The following HTRA1 variants were observed in gnomAD, a reference collection of about 807,000 sequenced individuals.
HTRA1 encodes HtrA serine peptidase 1, also known as serine protease HTRA1.
In HTRA1, 26 loss-of-function variants were observed where a neutral mutation model predicts 49.7. The observed-to-expected ratio is 0.52, with a 90% CI of 0.38 to 0.73. The LOEUF (loss-of-function observed/expected upper bound fraction) is 0.73. Among genes scored for constraint, HTRA1 ranks in the 30% least tolerant of loss-of-function variants. The pLI, the probability that HTRA1 is intolerant of heterozygous loss-of-function variation, is 0.00. For synonymous variants in HTRA1, 291 were observed against 286.9 expected (o/e 1.01, Z -0.14); for missense variants, 561 against 667.2 (o/e 0.84, Z 1.75).
Position 122,514,469 on chromosome 10 carries a change from T to C in HTRA1, c.*110T>C. On this transcript the variant is annotated 3_prime_UTR_variant, in exon 9 of 9. Coordinates refer to ENST00000368984, the MANE Select transcript of HTRA1 (RefSeq NM_002775.5). ...CACTCAAGACTTTTGACTGCCATTTTGTTTGTTCAGTGGAGACTCCCTGGC... is the reference window on the plus strand; with the variant it reads ...CACTCAAGACTTTTGACTGCCATTTCGTTTGTTCAGTGGAGACTCCCTGGC... 1 of 1,106,636 alleles carries C rather than the reference T, an allele frequency of 9.0e-7. No homozygotes were observed. Among genetic ancestry groups the C allele is most frequent in the South Asian group, 1.3e-5 (1 of 78,098 alleles). The allele number at this position is 1,106,636 out of a possible 1,614,324, so 68.6% of individuals were successfully genotyped here.
chr10:122,496,674 G>C (rs1469117225), intron 3 of HTRA1, among the ~76,000 whole-genome samples: 1 of 152,130 alleles, frequency 6.6e-6, no homozygotes, highest in African/African-American at 2.4e-5. Flanking sequence ...TCTTATCTGA[G>C]GGGGTGACAT....
intron 1 of HTRA1, among the ~76,000 whole-genome samples, chr10:122,479,328 A>T (rs1295370006): frequency 6.6e-6 from 1 of 152,088 alleles, no homozygotes; most frequent in African/African-American, 2.4e-5. Context: ...AGCCAGACAG[A>T]TGGGGTTAGG....
At position 122,494,901 on chromosome 10, in the gene HTRA1, A is replaced by G. The variant is rs2097497909; in HGVS notation, c.777+5275A>G. ...GCTGCTGAGCAGGCCACTCTTCTCC[A>G]GGCCACCAGAACTTGGCCCTGCGCA... is the stretch of plus-strand genomic sequence containing the variant. On this transcript the variant is annotated intron_variant, in intron 3 of 8. Transcript: ENST00000368984. The surrounding 1 kb of genome is among the most constrained non-coding windows in gnomAD (Gnocchi z 4.0). 6.6e-6 allele frequency among the ~76,000 whole-genome samples: 1 copy of G among 152,090 alleles called. No individual in the cohort carries two copies. Among genetic ancestry groups the G allele is most frequent in the African/African-American group, 2.4e-5 (1 of 41,418 alleles).
At chr10:122,508,999 T>G (rs2097504399) in intron 6 of HTRA1, among the ~76,000 whole-genome samples, 2 of 152,252 alleles carry the variant, frequency 1.3e-5, no homozygotes, top group African/African-American at 4.8e-5. Context: ...GTCTAATATG[T>G]ACCAGGCATG....
chr10:122,478,263 C>T (rs547617050), intron 1 of HTRA1, among the ~76,000 whole-genome samples: 1 of 152,092 alleles, frequency 6.6e-6, no homozygotes, highest in East Asian at 1.9e-4. Flanking sequence ...CTTGCCTGGG[C>T]TGCACAGCTT....
chr10:122,502,500 C>G (rs2097501365), intron 3 of HTRA1, among the ~76,000 whole-genome samples: 1 of 152,194 alleles, frequency 6.6e-6, no homozygotes, highest in Non-Finnish European at 1.5e-5. Context: ...CTCACTGGAT[C>G]TGTTTCTACA....
In HTRA1 at chr10:122,506,617, T is replaced by C; in HGVS notation, c.778-74T>C. 1 of 1,365,878 alleles carries C rather than the reference T, an allele frequency of 7.3e-7. No homozygotes were observed. 84.6% of individuals were successfully genotyped at this position (1,365,878 alleles called of 1,614,324 possible). ...AGCCCGTCACTGTCCCTGCTTGGTT[T>C]TCCATGATATCTGTGCCTTTACCTA... On this transcript the variant is annotated intron_variant, in intron 3 of 8. Coordinates refer to ENST00000368984, the MANE Select transcript of HTRA1 (RefSeq NM_002775.5). This position sits in a 1 kb window ranked among gnomAD's most constrained non-coding sequence, Gnocchi z 5.2.
At chr10:122,498,022 G>A (rs1302808291) in intron 3 of HTRA1, among the ~76,000 whole-genome samples, 1 of 152,210 alleles carries the variant, frequency 6.6e-6, no homozygotes, top group Non-Finnish European at 1.5e-5. Flanking sequence ...ACACTGAAGA[G>A]TAAGGGAATA....
rs2097493626 is a variant in HTRA1, at chr10:122,487,601, CG to C, written c.473-1299del. 6.6e-6 allele frequency among the ~76,000 whole-genome samples: 1 copy of C among 152,290 alleles called. No homozygotes were observed. Among genetic ancestry groups the C allele is most frequent in the Non-Finnish European group, 1.5e-5 (1 of 68,034 alleles). On this transcript the variant is annotated intron_variant, in intron 1 of 8. Coordinates refer to ENST00000368984, the MANE Select transcript of HTRA1 (RefSeq NM_002775.5). The surrounding 1 kb of genome is among the most constrained non-coding windows in gnomAD (Gnocchi z 4.8). ...GTGGGGCCACTCACTGTAATATAAACGGTCATGCATCACTGAGCAACAGGGA... is the reference window on the plus strand; with the variant it reads ...GTGGGGCCACTCACTGTAATATAAACGTCATGCATCACTGAGCAACAGGGA...
chr10:122,472,796 T>C (rs2097486742), intron 1 of HTRA1, among the ~76,000 whole-genome samples: 1 of 152,194 alleles, frequency 6.6e-6, no homozygotes, highest in Non-Finnish European at 1.5e-5. Context: ...AATCCTGAGA[T>C]GGACATTTTC....
At chr10:122,473,700 G>A (rs150738006) in intron 1 of HTRA1, among the ~76,000 whole-genome samples, 4 of 152,098 alleles carry the variant, frequency 2.6e-5, no homozygotes, top group East Asian at 3.9e-4. Flanking sequence ...TTTCATCACC[G>A]TAAAAAGAAA....
In HTRA1 at chr10:122,514,673, C is replaced by T; in HGVS notation, c.*314C>T. 1 of 386,410 alleles carries T rather than the reference C, an allele frequency of 2.6e-6. No individual in the cohort carries two copies. Among genetic ancestry groups the T allele is most frequent in the Non-Finnish European group, 5.0e-6 (1 of 201,824 alleles). The allele number at this position is 386,410 out of a possible 1,614,324, so 23.9% of individuals were successfully genotyped here. On this transcript the variant is annotated 3_prime_UTR_variant, in exon 9 of 9. Transcript: ENST00000368984. ...CCTTTAACTGAGTCATCATCTTAGT[C>T]CAACTAATGCAGTCGATACAATGCG...
In HTRA1 at chr10:122,485,948, C is replaced by T. The variant is rs570184510; in HGVS notation, c.473-2954C>T. ...GAGGAAGCCCAGATGCGTTTGTTTA[C>T]AGCTGTCTGGTGACATTCGCCAGGC... is the stretch of plus-strand genomic sequence containing the variant. On this transcript the variant is annotated intron_variant, in intron 1 of 8. Transcript: ENST00000368984. Among the ~76,000 whole-genome samples the T allele has an allele frequency of 1.4e-4, 21 of 152,346 alleles. No homozygotes were observed. The South Asian group carries it at 3.9e-3, about 29-fold the overall frequency.
chr10:122,473,238 C>T (rs997209743), intron 1 of HTRA1, among the ~76,000 whole-genome samples: 3 of 152,096 alleles, frequency 2.0e-5, no homozygotes, highest in African/African-American at 7.2e-5. Flanking sequence ...GGGTGTTTGT[C>T]GGCTTGTCCT....
chr10:122,490,939 T>C lies in HTRA1; in HGVS notation c.777+1313T>C, dbSNP rs1371319404. The stretch of plus-strand genomic sequence containing the variant: ...CCCCGATGTTCCTGTAGCTTCTCTA[T>C]GGCTGGGTGGCCAGGCATGGCCGAA... On this transcript the variant is annotated intron_variant, in intron 3 of 8. Coordinates refer to ENST00000368984, the MANE Select transcript of HTRA1 (RefSeq NM_002775.5). This position sits in a 1 kb window ranked among gnomAD's most constrained non-coding sequence, Gnocchi z 4.2. Among the ~76,000 whole-genome samples, 1 of 152,202 alleles carries C rather than the reference T, an allele frequency of 6.6e-6. No individual in the cohort carries two copies. Among genetic ancestry groups the C allele is most frequent in the Non-Finnish European group, 1.5e-5 (1 of 68,036 alleles).
chr10:122,491,513 C>T (rs1212405865), intron 3 of HTRA1, among the ~76,000 whole-genome samples: 2 of 152,314 alleles, frequency 1.3e-5, no homozygotes, highest in South Asian at 2.1e-4. Flanking sequence ...TGTGTGCAGG[C>T]GAGGCGCTGG....
intron 1 of HTRA1, among the ~76,000 whole-genome samples, chr10:122,468,202 C>T (rs1197244648): frequency 9.9e-5 from 15 of 152,102 alleles, no homozygotes; most frequent in Admixed American, 9.8e-4. Context: ...AGTCGGATTG[C>T]CATTTTCTGG....
chr10:122,475,053 G>T (rs897479569), intron 1 of HTRA1, among the ~76,000 whole-genome samples: 1 of 152,180 alleles, frequency 6.6e-6, no homozygotes, highest in Non-Finnish European at 1.5e-5. Context: ...ACAGTGAGGG[G>T]TTCACAGCCA....
intron 8 of HTRA1, among the ~76,000 whole-genome samples, chr10:122,513,628 C>CAAAAAA (rs10605017): frequency 4.5e-5 from 3 of 65,996 alleles, no homozygotes; most frequent in South Asian, 8.4e-4. Flanking sequence ...GACCCCATCT[C>CAAAAAA]AAAAAAAAAA....
Sources: gnomAD v4.1 joint callset for allele counts (sites outside exome capture counted in the v4.1 genomes callset) on GRCh38, gnomAD v4.1.1 for gene constraint, Gnocchi (gnomAD v3.1) non-coding constraint, MANE v1.5 for transcripts, NCBI Gene and HGNC (gene_info 2026-07-23, HGNC 2026-07-21) for gene names.